The following TGFBI variants were observed in gnomAD, a reference collection of about 807,000 sequenced individuals.
TGFBI encodes transforming growth factor beta induced.
A neutral mutation model predicts 73.7 loss-of-function variants in TGFBI; 50 were observed. The observed-to-expected ratio is 0.68, with a 90% CI of 0.54 to 0.86. TGFBI has a LOEUF of 0.86. Ranked by LOEUF, TGFBI falls within the 40% of genes least tolerant of loss-of-function variation. The pLI is 0.00. For missense variants in TGFBI, 839 were observed against 877.0 expected, an observed-to-expected ratio of 0.96 and a Z score of 0.55; for synonymous variants, 362 against 360.5, an observed-to-expected ratio of 1.00 and a Z score of -0.05.
chr5:136,036,397 G>A (rs1751220880), intron 2 of TGFBI, among the ~76,000 whole-genome samples: 2 of 152,208 alleles, frequency 1.3e-5, no homozygotes. Context: ...AATATTATTT[G>A]ATATAAAACT....
rs1052703937 is a variant in TGFBI at position 136,063,423 on chromosome 5, A to G, written c.*197A>G. On this transcript the variant is annotated 3_prime_UTR_variant, in exon 17 of 17. Transcript: ENST00000442011. ...TACTTTTTAAATCATGTTCCCCCTAAACATGGCTGTTAACCCACTGCATGC... is the reference window on the plus strand; with the variant it reads ...TACTTTTTAAATCATGTTCCCCCTAGACATGGCTGTTAACCCACTGCATGC... 2.7e-5 allele frequency: 16 copies of G among 582,232 alleles called. No homozygotes were observed. The highest frequency in any genetic ancestry group is 4.9e-5 in the Non-Finnish European group (16 of 325,910). The allele number at this position is 582,232 out of a possible 1,614,324, so 36.1% of individuals were successfully genotyped here.
intron 9 of TGFBI, 45 bp downstream of exon 9, chr5:136,054,125 C>A: frequency 6.3e-7 from 1 of 1,596,352 alleles, no homozygotes; most frequent in South Asian, 1.1e-5. Flanking sequence ...CTGGAGGCAG[C>A]TTCCCCACCC....
In TGFBI at chr5:136,061,434, C is replaced by T. The variant is rs920873070; in HGVS notation, c.1907-66C>T. ...AAAGCCCACCAGTGCCCCTCAGTCA[C>T]GGTTGTTATGAATGACATGCTAATG... On this transcript the variant is annotated intron_variant, in intron 14 of 16. Coordinates refer to ENST00000442011, the MANE Select transcript of TGFBI (RefSeq NM_000358.3). 1.9e-5 allele frequency: 23 copies of T among 1,201,974 alleles called. 1 individual carries two copies. Among genetic ancestry groups the T allele is most frequent in the South Asian group, 1.6e-4 (12 of 76,938 alleles). The allele number at this position is 1,201,974 out of a possible 1,614,324, so 74.5% of individuals were successfully genotyped here. A position where few individuals can be genotyped will look rare whatever the true frequency, so the allele number is the denominator to read the frequency against.
At chr5:136,043,877 T>C (rs966934896) in intron 2 of TGFBI, among the ~76,000 whole-genome samples, 181 bp from the exon 3 acceptor site, 3 of 151,976 alleles carry the variant, frequency 2.0e-5, no homozygotes, top group Non-Finnish European at 4.4e-5. Flanking sequence ...AGAGGAGGAG[T>C]GAGACTCTCC....
chr5:136,033,646 ACT>A, intron 1 of TGFBI, 115 bp from the exon 2 acceptor site: 2 of 784,158 alleles, frequency 2.6e-6, no homozygotes, highest in East Asian at 2.7e-5. Flanking sequence ...GACTGAAATG[ACT>A]CTCTCCTCTA....
chr5:136,030,698 A>T (rs1289982345), intron 1 of TGFBI, among the ~76,000 whole-genome samples: 1 of 151,858 alleles, frequency 6.6e-6, no homozygotes, highest in African/African-American at 2.4e-5. Flanking sequence ...ATCTCTGCCC[A>T]CCTCTCCGTT....
intron 12 of TGFBI, 176 bp from the exon 13 acceptor site, chr5:136,058,914 C>G (rs1161163588): frequency 2.3e-5 from 17 of 734,042 alleles, no homozygotes; most frequent in South Asian, 2.1e-4. Context: ...GACCATTAGA[C>G]AGATTGTGGG....
At chr5:136,049,723 G>A in intron 7 of TGFBI, 143 bp downstream of exon 7, 1 of 956,414 alleles carries the variant, frequency 1.0e-6, no homozygotes, top group Non-Finnish European at 1.5e-6. Flanking sequence ...GGGTCATCCT[G>A]TCCTGTTGCT....
chr5:136,042,637 A>G (rs1299781169), intron 2 of TGFBI, among the ~76,000 whole-genome samples: 1 of 151,886 alleles, frequency 6.6e-6, no homozygotes, highest in Non-Finnish European at 1.5e-5. Context: ...ACTGGAGAAA[A>G]AAACAAAAGA....
intron 7 of TGFBI, among the ~76,000 whole-genome samples, chr5:136,052,071 G>GT (rs45576539): frequency 0.017 from 2,427 of 145,162 alleles, 19 homozygotes; most frequent in South Asian, 0.025. Flanking sequence ...GCCTGGGGTT[G>GT]GGGGGGGCTC....
At position 136,044,040 on chromosome 5, in the gene TGFBI, A is replaced by G. The variant is rs1457629303; in HGVS notation, c.234-18A>G. The G allele has an allele frequency of 1.2e-6, 2 of 1,610,912 alleles. No individual in the cohort carries two copies. The highest frequency in any genetic ancestry group is 1.1e-5 in the South Asian group (1 of 90,778). ...AGTGAAGCCCTGCCTAACACAATGT[A>G]TGGTTGTCTTGTTACAGAGTCATCA... On this transcript the variant is annotated intron_variant, in intron 2 of 16. Coordinates refer to ENST00000442011, the MANE Select transcript of TGFBI (RefSeq NM_000358.3).
At position 136,059,185 on chromosome 5, in the gene TGFBI, C is replaced by T; in HGVS notation, c.1774C>T (p.Leu592Phe). 6.2e-7 allele frequency: 1 copy of T among 1,610,514 alleles called. No individual in the cohort carries two copies. The highest frequency in any genetic ancestry group is 8.5e-7 in the Non-Finnish European group (1 of 1,178,896). The change falls in exon 13 of 17, where the codon CTC becomes TTC. Residue 592 changes from leucine to phenylalanine, a missense_variant. By Grantham distance (22) the Leu-to-Phe change is conservative. Coordinates refer to ENST00000442011, the MANE Select transcript of TGFBI (RefSeq NM_000358.3). ...CGGGGCCCTGGTGCGGCTAAAGTCTCTCCAAGGTGACAAGCTGGAAGTCAG... is the reference window on the plus strand; with the variant it reads ...CGGGGCCCTGGTGCGGCTAAAGTCTTTCCAAGGTGACAAGCTGGAAGTCAG... The part of the protein sequence containing the change: ...GIGALVRLKS[L>F]QGDKLEVSLK...
At chr5:136,037,999 A>G (rs1751258473) in intron 2 of TGFBI, among the ~76,000 whole-genome samples, 2 of 152,138 alleles carry the variant, frequency 1.3e-5, no homozygotes, top group Non-Finnish European at 1.5e-5. Context: ...CAGACCCCAG[A>G]CCCATACTAG....
rs528764466 is a variant in TGFBI at position 136,046,684 on chromosome 5, C to T, written c.460-167C>T. 43 of 1,201,816 alleles carry T rather than the reference C, an allele frequency of 3.6e-5. 1 individual carries two copies. In the Admixed American group the frequency reaches 4.2e-4, roughly 12 times the overall value. The allele number at this position is 1,201,816 out of a possible 1,614,324, so 74.4% of individuals were successfully genotyped here. ...TTACCAGGTTGCGTCTAATGCCCCC[C>T]GTTCCCTACTGGGCAGAAAGACTTG... On this transcript the variant is annotated intron_variant, in intron 4 of 16. Transcript: ENST00000442011.
At position 136,046,506 on chromosome 5, in the gene TGFBI, C is replaced by T; in HGVS notation, c.459+11C>T. On this transcript the variant is annotated intron_variant, in intron 4 of 16. Coordinates refer to ENST00000442011, the MANE Select transcript of TGFBI (RefSeq NM_000358.3). The stretch of plus-strand genomic sequence containing the variant: ...GCCTCCTTGCCAGCTGTGAGATGAC[C>T]TCCGTCTGCCCGGGGGACTCTTATG... The T allele has an allele frequency of 6.3e-7, 1 of 1,596,320 alleles. No homozygotes were observed. The highest frequency in any genetic ancestry group is 1.1e-5 in the South Asian group (1 of 89,224).
rs891604561 is a variant in TGFBI at position 136,058,947 on chromosome 5, G to A, written c.1679-143G>A. 5 of 1,006,052 alleles carry A rather than the reference G, an allele frequency of 5.0e-6. No individual in the cohort carries two copies. In the South Asian group the frequency reaches 8.6e-5, roughly 17 times the overall value. 62.3% of individuals were successfully genotyped at this position (1,006,052 alleles called of 1,614,324 possible). On this transcript the variant is annotated intron_variant, in intron 12 of 16. Coordinates refer to ENST00000442011, the MANE Select transcript of TGFBI (RefSeq NM_000358.3). ...GGGTCACAACGTTGAGTATACAGTG[G>A]GAGCTTAATAAGTGCTTATTCCCTG... is the stretch of plus-strand genomic sequence containing the variant.
chr5:136,062,803 G>T, intron 16 of TGFBI, 116 bp downstream of exon 16: 1 of 1,200,076 alleles, frequency 8.3e-7, no homozygotes, highest in South Asian at 1.4e-5. Flanking sequence ...AGTAAAAGAA[G>T]CCTGGCCTTT....
At chr5:136,046,276 G>A in intron 3 of TGFBI, 59 bp from the exon 4 acceptor site, 1 of 1,596,380 alleles carries the variant, frequency 6.3e-7, no homozygotes, top group Non-Finnish European at 8.6e-7. Flanking sequence ...AGAGAAGGGA[G>A]GGTGTGGTTG....
chr5:136,044,367 T>A (rs1395626411), intron 3 of TGFBI, among the ~76,000 whole-genome samples: 1 of 152,254 alleles, frequency 6.6e-6, no homozygotes, highest in Non-Finnish European at 1.5e-5. Context: ...AGACTCCAAC[T>A]GTGGCCTGTC....
Sources: allele counts gnomAD v4.1 joint callset (sites outside exome capture counted in the v4.1 genomes callset), GRCh38; gene constraint gnomAD v4.1.1; transcripts MANE v1.5; gene names NCBI Gene and HGNC (gene_info 2026-07-23, HGNC 2026-07-21).